EIF4A2: variants seen among roughly 807,000 people sequenced by gnomAD.
The protein encoded by EIF4A2 is eukaryotic initiation factor 4A-II.
EIF4A2 carries 9 observed loss-of-function variants against 50.6 expected under a neutral mutation model. The ratio of observed to expected loss-of-function variants is 0.18; its 90% CI spans 0.11 to 0.31. EIF4A2 has a LOEUF of 0.31. Among genes scored for constraint, EIF4A2 ranks in the 10% least tolerant of loss-of-function variants. The probability of loss-of-function intolerance (pLI) is 1.00; values close to 1 mark genes in which losing one functional copy is unlikely to be tolerated. For synonymous variants in EIF4A2, 215 were observed against 164.4 expected (o/e 1.31, Z -2.35); for missense variants, 182 against 501.8 (o/e 0.36, Z 6.09).
At chr3:186,788,456 T>G in intron 10 of EIF4A2, 2 of 1,230,638 alleles carry the variant, frequency 1.6e-6, no homozygotes, top group Non-Finnish European at 2.1e-6. Context: ...CATGATTATT[T>G]GATTTTTAAG....
At chr3:186,784,858 A>G (rs1721599501) in intron 3 of EIF4A2, 104 bp from the exon 4 acceptor site, 1 of 1,602,098 alleles carries the variant, frequency 6.2e-7, no homozygotes, top group Non-Finnish European at 8.5e-7. Context: ...CTCATTGCTG[A>G]TCACTTGATT....
chr3:186,784,523 T>C, intron 2 of EIF4A2, 41 bp from the exon 3 acceptor site: 1 of 1,614,224 alleles, frequency 6.2e-7, no homozygotes, highest in Non-Finnish European at 8.5e-7. Context: ...GGTGAGTGTG[T>C]TCATCTCATT....
At position 186,789,371 on chromosome 3, in the gene EIF4A2, A is replaced by G; in HGVS notation, c.*102A>G. 1 of 1,474,496 alleles carries G rather than the reference A, an allele frequency of 6.8e-7. No homozygotes were observed. The highest frequency in any genetic ancestry group is 9.1e-7 in the Non-Finnish European group (1 of 1,098,088). 91.3% of individuals were successfully genotyped at this position (1,474,496 alleles called of 1,614,324 possible). ...TTTGGGAATATTTGAATCTTGTCTC[A>G]ATGCTCATAACGGATCAGAAATACA... On this transcript the variant is annotated 3_prime_UTR_variant, in exon 11 of 11. Coordinates refer to ENST00000323963, the MANE Select transcript of EIF4A2 (RefSeq NM_001967.4).
In EIF4A2 at chr3:186,787,895, C is replaced by T; in HGVS notation, c.1079+13C>T. On this transcript the variant is annotated intron_variant, in intron 10 of 10. Coordinates refer to ENST00000323963, the MANE Select transcript of EIF4A2 (RefSeq NM_001967.4). ...ACTATATTCACAGGTGAGAAGCCAG[C>T]ATCTTGGCTGTATTGAAAAAAATTC... is the stretch of plus-strand genomic sequence containing the variant. 8.1e-6 allele frequency: 13 copies of T among 1,612,766 alleles called. No individual in the cohort carries two copies. Among genetic ancestry groups the T allele is most frequent in the Non-Finnish European group, 1.0e-5 (12 of 1,179,588 alleles).
chr3:186,783,968 C>A, intron 1 of EIF4A2: 2 of 436,024 alleles, frequency 4.6e-6, no homozygotes, highest in Non-Finnish European at 8.3e-6. Context: ...AACCAGGACC[C>A]GAAGCTTTAT....
chr3:186,786,900 G>C (rs780917083), intron 7 of EIF4A2: 2 of 882,728 alleles, frequency 2.3e-6, no homozygotes, highest in Admixed American at 3.7e-5. Context: ...TCTACGTTTT[G>C]AGACTGGGTT....
In EIF4A2 at chr3:186,783,618, G is replaced by T. The variant is rs765785108; in HGVS notation, c.8G>T (p.Gly3Val). Residue 3 changes from glycine to valine, a missense_variant, in exon 1 of 11, where the codon GGT becomes GTT. Coordinates refer to ENST00000323963, the MANE Select transcript of EIF4A2 (RefSeq NM_001967.4). Reference protein sequence around the residue: MSGGSADYNREHG... With the variant: MSVGSADYNREHG... ...TGAGTGGTTTTTCGGATCATGTCTG[G>T]TGGCTCCGCGGATTATAACAGGTAT... 1 of 1,614,150 alleles carries T rather than the reference G, an allele frequency of 6.2e-7. No individual in the cohort carries two copies. Among genetic ancestry groups the T allele is most frequent in the Non-Finnish European group, 8.5e-7 (1 of 1,180,042 alleles).
At chr3:186,786,342 A>G in intron 6 of EIF4A2, 69 bp downstream of exon 6, 1 of 1,535,366 alleles carries the variant, frequency 6.5e-7, no homozygotes, top group Non-Finnish European at 8.8e-7. Flanking sequence ...CTGTTACAAT[A>G]CAACTGATGT....
chr3:186,785,639 ATTC>A (rs576900814), intron 4 of EIF4A2: 54 of 472,594 alleles, frequency 1.1e-4, no homozygotes, highest in Admixed American at 1.7e-4. Context: ...AGGAAACGTT[ATTC>A]TTGGATTGTC....
rs540193992 is a variant in EIF4A2 at position 186,787,279 on chromosome 3, A to G, written c.909+15A>G. On this transcript the variant is annotated intron_variant, in intron 8 of 10. Transcript: ENST00000323963. Reference sequence around the variant, plus strand: ...TTTCTGCTCTGGTAAGAGGTGTTCTAAAATGTCTGGATTTCCACTAAAGCA... The same window carrying G: ...TTTCTGCTCTGGTAAGAGGTGTTCTGAAATGTCTGGATTTCCACTAAAGCA... 12 of 1,614,066 alleles carry G rather than the reference A, an allele frequency of 7.4e-6. No homozygotes were observed. In the East Asian group the frequency reaches 2.0e-4, roughly 27 times the overall value.
At chr3:186,788,020 G>T in intron 10 of EIF4A2, 138 bp downstream of exon 10, 1 of 953,126 alleles carries the variant, frequency 1.0e-6, no homozygotes, top group South Asian at 1.7e-5. Context: ...AATTAAATTT[G>T]TACTAGGGAA....
rs546420930 is a variant in EIF4A2 at position 186,786,255 on chromosome 3, A to G, written c.609A>G (p.Lys203=). Residue 203 remains lysine, a synonymous_variant, in exon 6 of 11, where the codon AAA becomes AAG. Coordinates refer to ENST00000323963, the MANE Select transcript of EIF4A2 (RefSeq NM_001967.4). The part of the protein sequence containing the change: ...FKDQIYEIFQ[K]LNTSIQVVLL... Reference sequence around the variant, plus strand: ...ATCAAATCTATGAGATTTTCCAAAAACTAAACACAAGTATTCAGGTAAGCA... The same window carrying G: ...ATCAAATCTATGAGATTTTCCAAAAGCTAAACACAAGTATTCAGGTAAGCA... 9.9e-6 allele frequency: 16 copies of G among 1,613,724 alleles called. No individual in the cohort carries two copies. In the South Asian group the frequency reaches 1.6e-4, roughly 17 times the overall value.
Position 186,783,579 on chromosome 3 carries a change from T to A in EIF4A2, c.-32T>A, listed in dbSNP as rs1721490419. The stretch of plus-strand genomic sequence containing the variant: ...AACGGGTGGTTGGGCGCCGCTGTCT[T>A]TTCAGTCGGGCGCTGAGTGGTTTTT... On this transcript the variant is annotated 5_prime_UTR_variant, in exon 1 of 11. Transcript: ENST00000323963. 3 of 1,614,132 alleles carry A rather than the reference T, an allele frequency of 1.9e-6. No homozygotes were observed. The South Asian group carries it at 3.3e-5, about 18-fold the overall frequency.
intron 1 of EIF4A2, 122 bp downstream of exon 1, chr3:186,783,761 TC>T: frequency 6.7e-7 from 1 of 1,481,838 alleles, no homozygotes; most frequent in South Asian, 1.1e-5. Context: ...GGTACAGCAC[TC>T]CTGTGCCCTT....
chr3:186,786,128 G>T (rs761849483), intron 5 of EIF4A2, 36 bp from the exon 6 acceptor site: 55 of 1,607,226 alleles, frequency 3.4e-5, no homozygotes, highest in Non-Finnish European at 3.6e-5. Flanking sequence ...TCACTGAGTA[G>T]ATCTAGAAAT....
intron 1 of EIF4A2, chr3:186,784,029 A>G: frequency 2.5e-6 from 1 of 407,454 alleles, no homozygotes; most frequent in Non-Finnish European, 4.5e-6. Flanking sequence ...TACTTGGGGA[A>G]GGGTTGGAGG....
In EIF4A2 at chr3:186,789,158, T is replaced by G; in HGVS notation, c.1113T>G (p.Gly371=). 6.2e-7 allele frequency: 1 copy of G among 1,613,742 alleles called. No homozygotes were observed. The highest frequency in any genetic ancestry group is 1.1e-5 in the South Asian group (1 of 91,056). The change falls in exon 11 of 11, where the codon GGT becomes GGG. Residue 371 remains glycine, a synonymous_variant. Transcript: ENST00000323963. Reference sequence around the variant, plus strand: ...GAGGGGGTCGATTTGGGAGGAAAGGTGTGGCTATAAACTTTGTTACTGAAG... The same window carrying G: ...GAGGGGGTCGATTTGGGAGGAAAGGGGTGGCTATAAACTTTGTTACTGAAG... ...IGRGGRFGRK[G]VAINFVTEED... is the part of the protein sequence containing the mutation.
rs746317300 is a variant in EIF4A2, at chr3:186,787,777, T to C, written c.1000-26T>C. ...AGGTGTCAAGTTTTTTTGAATCAAT[T>C]TTTAAAACATGCCATTGTGTTTCAG... On this transcript the variant is annotated intron_variant, in intron 9 of 10. Transcript: ENST00000323963. 3 of 1,614,058 alleles carry C rather than the reference T, an allele frequency of 1.9e-6. No homozygotes were observed. In the Admixed American group the frequency reaches 5.0e-5, roughly 27 times the overall value.
chr3:186,784,836 A>AT, intron 3 of EIF4A2, 126 bp from the exon 4 acceptor site: 1 of 1,600,114 alleles, frequency 6.2e-7, no homozygotes, highest in African/African-American at 1.3e-5. Flanking sequence ...CTGACCTGAA[A>AT]TGAAGAGAAT....
Sources: allele counts gnomAD v4.1 joint callset, GRCh38; gene constraint gnomAD v4.1.1; transcripts MANE v1.5; gene names NCBI Gene and HGNC (gene_info 2026-07-23, HGNC 2026-07-21).